PMEPA1: variants seen among roughly 807,000 people sequenced by gnomAD.
PMEPA1 encodes protein TMEPAI.
PMEPA1 carries 11 observed loss-of-function variants against 23.0 expected under a neutral mutation model. That is an observed-to-expected ratio of 0.48 (90% CI 0.30 to 0.79). The LOEUF (loss-of-function observed/expected upper bound fraction) is 0.79, where lower values mean the gene tolerates loss of function less well. Among genes scored for constraint, PMEPA1 ranks in the 30% least tolerant of loss-of-function variants. PMEPA1 has a pLI of 0.06. For missense variants in PMEPA1, 377 were observed against 390.9 expected (o/e 0.96, Z 0.30); for synonymous variants, 204 against 166.4 (o/e 1.23, Z -1.74).
At chr20:57,696,133 C>G (rs2071940557) in intron 1 of PMEPA1, among the ~76,000 whole-genome samples, 1 of 152,102 alleles carries the variant, frequency 6.6e-6, no homozygotes, top group Non-Finnish European at 1.5e-5. Context: ...TGCTGGCACC[C>G]TTCCAAGGAG....
intron 1 of PMEPA1, among the ~76,000 whole-genome samples, chr20:57,689,410 C>T (rs960169428): frequency 2.0e-5 from 3 of 152,076 alleles, no homozygotes; most frequent in East Asian, 1.9e-4. Context: ...GCAGAAAGGT[C>T]GGCTGGGGAG....
In PMEPA1 at chr20:57,651,347, T is replaced by G. The variant is rs1182110789; in HGVS notation, c.*706A>C. ...CTCACCCTCTGCCGTCAGGCGACTC[T>G]GAAATTCCGACATTTCTCCCTTAAA... On this transcript the variant is annotated 3_prime_UTR_variant, in exon 4 of 4. Coordinates refer to ENST00000341744, the MANE Select transcript of PMEPA1 (RefSeq NM_020182.5). The G allele has an allele frequency of 6.5e-6, 1 of 152,742 alleles. No homozygotes were observed. Among genetic ancestry groups the G allele is most frequent in the African/African-American group, 2.4e-5 (1 of 41,464 alleles). 9.5% of individuals were successfully genotyped at this position (152,742 alleles called of 1,614,324 possible). A position where few individuals can be genotyped will look rare whatever the true frequency, so the allele number is the denominator to read the frequency against.
At chr20:57,672,477 G>A (rs796725779) in intron 1 of PMEPA1, among the ~76,000 whole-genome samples, 2 of 152,262 alleles carry the variant, frequency 1.3e-5, no homozygotes, top group African/African-American at 2.4e-5. Flanking sequence ...GTATTTAGCC[G>A]CTTCTCAATA....
Position 57,683,572 on chromosome 20 carries a change from T to TGTGTGTG in PMEPA1, c.110-23882_110-23876dup, listed in dbSNP as rs2071756682. Among the ~76,000 whole-genome samples the TGTGTGTG allele has an allele frequency of 5.3e-5, 8 of 151,030 alleles. No individual in the cohort carries two copies. Among genetic ancestry groups the TGTGTGTG allele is most frequent in the African/African-American group, 2.0e-4 (8 of 40,444 alleles). Reference sequence around the variant, plus strand: ...CTGTGTGCGTGTGTGTGTGTGTGTGTGTGTGTGTGTGTTTCTTTTAAAAGT... The same window carrying TGTGTGTG: ...CTGTGTGCGTGTGTGTGTGTGTGTGTGTGTGTGGTGTGTGTGTGTTTCTTTTAAAAGT... On this transcript the variant is annotated intron_variant, in intron 1 of 3. Coordinates refer to ENST00000341744, the MANE Select transcript of PMEPA1 (RefSeq NM_020182.5). This position sits in a 1 kb window ranked among gnomAD's most constrained non-coding sequence, Gnocchi z 4.3.
In PMEPA1 at chr20:57,692,908, TAATC is replaced by T. The variant is rs1340839606; in HGVS notation, c.109+16562_109+16565del. Among the ~76,000 whole-genome samples, 3 of 152,334 alleles carry T rather than the reference TAATC, an allele frequency of 2.0e-5. No individual in the cohort carries two copies. In the East Asian group the frequency reaches 5.8e-4, roughly 29 times the overall value. ...ATTTTCCATCTTTCACAACTCATGATAATCAACTGTTTATCTCAATCCCTGCTGT... is the reference window on the plus strand; with the variant it reads ...ATTTTCCATCTTTCACAACTCATGATAACTGTTTATCTCAATCCCTGCTGT... On this transcript the variant is annotated intron_variant, in intron 1 of 3. Transcript: ENST00000341744.
intron 2 of PMEPA1, among the ~76,000 whole-genome samples, chr20:57,657,202 C>T (rs530030146): frequency 3.9e-5 from 6 of 152,312 alleles, no homozygotes; most frequent in South Asian, 4.1e-4. Context: ...GACCACGGGC[C>T]GCACAGGCCT....
chr20:57,677,771 C>T (rs1168655354), intron 1 of PMEPA1, among the ~76,000 whole-genome samples: 2 of 152,022 alleles, frequency 1.3e-5, no homozygotes, highest in East Asian at 3.9e-4. Flanking sequence ...AACAAACAAA[C>T]AAACAAAAAA....
rs780194409 is a variant in PMEPA1, at chr20:57,652,867, C to T, written c.318+166G>A. On this transcript the variant is annotated intron_variant, in intron 3 of 3. Transcript: ENST00000341744. This position sits in a 1 kb window ranked among gnomAD's most constrained non-coding sequence, Gnocchi z 6.1. The stretch of plus-strand genomic sequence containing the variant: ...AGAGCAGAGAGCTGGGCTGCTCCCT[C>T]AGGGGCAGGGAGCAGATGATCTCCG... Among the ~76,000 whole-genome samples the T allele has an allele frequency of 6.6e-6, 1 of 152,154 alleles. No homozygotes were observed. Among genetic ancestry groups the T allele is most frequent in the South Asian group, 2.1e-4 (1 of 4,832 alleles).
chr20:57,649,513 C>T lies in PMEPA1; in HGVS notation c.*2540G>A, dbSNP rs539601311. On this transcript the variant is annotated 3_prime_UTR_variant, in exon 4 of 4. Coordinates refer to ENST00000341744, the MANE Select transcript of PMEPA1 (RefSeq NM_020182.5). ...AACCACTCTCCTCCCCTTTCTCACG[C>T]AAAGCCATTCCCACAAATCCAGACC... 1 of 152,424 alleles carries T rather than the reference C, an allele frequency of 6.6e-6. No individual in the cohort carries two copies. Among genetic ancestry groups the T allele is most frequent in the East Asian group, 1.9e-4 (1 of 5,176 alleles). 9.4% of individuals were successfully genotyped at this position (152,424 alleles called of 1,614,324 possible). A position where few individuals can be genotyped will look rare whatever the true frequency, so the allele number is the denominator to read the frequency against.
rs372885504 is a variant in PMEPA1 at position 57,697,806 on chromosome 20, C to T, written c.109+11668G>A. Among the ~76,000 whole-genome samples the T allele has an allele frequency of 2.4e-4, 36 of 152,258 alleles. No individual in the cohort carries two copies. In the East Asian group the frequency reaches 2.5e-3, roughly 11 times the overall value. On this transcript the variant is annotated intron_variant, in intron 1 of 3. Transcript: ENST00000341744. The stretch of plus-strand genomic sequence containing the variant: ...CAAACAACTCTGATTACCCTCTAGA[C>T]GGGAGGACAGTGACAATTTAGGGCC...
chr20:57,668,150 T>C (rs970257186), intron 1 of PMEPA1, among the ~76,000 whole-genome samples: 3 of 152,180 alleles, frequency 2.0e-5, no homozygotes, highest in African/African-American at 7.2e-5. Context: ...CCTGGGACAC[T>C]GTCCCATGTT....
At chr20:57,662,639 G>A (rs971488301) in intron 1 of PMEPA1, among the ~76,000 whole-genome samples, 53 of 152,168 alleles carry the variant, frequency 3.5e-4, no homozygotes, top group Non-Finnish European at 1.3e-4. Context: ...GCCCAGGTCC[G>A]TCTGTTAGCA....
chr20:57,666,180 G>A (rs535749899), intron 1 of PMEPA1, among the ~76,000 whole-genome samples: 5 of 152,042 alleles, frequency 3.3e-5, no homozygotes, highest in Non-Finnish European at 5.9e-5. Context: ...ACATTAACAG[G>A]TTCGTGTGCC....
At chr20:57,663,521 T>C (rs1389601904) in intron 1 of PMEPA1, among the ~76,000 whole-genome samples, 1 of 152,138 alleles carries the variant, frequency 6.6e-6, no homozygotes, top group Non-Finnish European at 1.5e-5. Context: ...GGATGCTCAA[T>C]TCCATCCTGG....
chr20:57,693,615 A>G (rs2071910301), intron 1 of PMEPA1, among the ~76,000 whole-genome samples: 1 of 152,248 alleles, frequency 6.6e-6, no homozygotes, highest in Admixed American at 6.5e-5. Context: ...CCAGAGCTAA[A>G]AAGGTACATG....
rs1438323089 is a variant in PMEPA1 at position 57,652,663 on chromosome 20, C to T, written c.319-65G>A. ...TCAGGTGGGTTGTCCAGAAGCGATC[C>T]TGAGACTGGAGTTCTGCTGCATGGG... On this transcript the variant is annotated intron_variant, in intron 3 of 3. Transcript: ENST00000341744. This position sits in a 1 kb window ranked among gnomAD's most constrained non-coding sequence, Gnocchi z 6.1. 7.7e-7 allele frequency: 1 copy of T among 1,293,512 alleles called. No individual in the cohort carries two copies. The highest frequency in any genetic ancestry group is 1.5e-5 in the African/African-American group (1 of 66,738). 80.1% of individuals were successfully genotyped at this position (1,293,512 alleles called of 1,614,324 possible).
At chr20:57,685,603 G>T (rs561962625) in intron 1 of PMEPA1, among the ~76,000 whole-genome samples, 3 of 152,224 alleles carry the variant, frequency 2.0e-5, no homozygotes, top group Admixed American at 6.5e-5. Context: ...GGACTGGCTG[G>T]GGGGAGGGGG....
intron 1 of PMEPA1, among the ~76,000 whole-genome samples, chr20:57,691,106 C>T (rs1485629873): frequency 6.6e-6 from 1 of 152,194 alleles, no homozygotes; most frequent in Non-Finnish European, 1.5e-5. Context: ...CAGTCTGCCA[C>T]ACTAGGAGCT....
chr20:57,699,333 G>C (rs1177972299), intron 1 of PMEPA1, among the ~76,000 whole-genome samples: 1 of 152,212 alleles, frequency 6.6e-6, no homozygotes, highest in African/African-American at 2.4e-5. Context: ...GCCATTTATT[G>C]AGCATCTACT....
Sources: allele counts gnomAD v4.1 joint callset (sites outside exome capture counted in the v4.1 genomes callset), GRCh38; gene constraint gnomAD v4.1.1; non-coding constraint Gnocchi (gnomAD v3.1); transcripts MANE v1.5; gene names NCBI Gene and HGNC (gene_info 2026-07-23, HGNC 2026-07-21).